Variants in HECW1 observed in about 807,000 individuals in gnomAD.
HECW1 encodes E3 ubiquitin-protein ligase HECW1.
A neutral mutation model predicts 182.3 loss-of-function variants in HECW1; 61 were observed. That is an observed-to-expected ratio of 0.33 (90% CI 0.27 to 0.41). HECW1 has a LOEUF of 0.41. Ranked by LOEUF, HECW1 falls within the 10% of genes least tolerant of loss-of-function variation. The probability of loss-of-function intolerance (pLI) is 1.00; values close to 1 mark genes in which losing one functional copy is unlikely to be tolerated. For missense variants in HECW1, 1,739 were observed against 2,108.9 expected (o/e 0.82, Z 3.44); for synonymous variants, 859 against 832.6 (o/e 1.03, Z -0.55).
chr7:43,559,743 A>G (rs917153567), intron 29 of HECW1, among the ~76,000 whole-genome samples: 8 of 152,174 alleles, frequency 5.3e-5, no homozygotes, highest in Admixed American at 3.9e-4. Context: ...GAATGAGGTA[A>G]GCAGGCACTC....
At chr7:43,531,982 G>A (rs931506869) in intron 24 of HECW1, among the ~76,000 whole-genome samples, 2 of 152,140 alleles carry the variant, frequency 1.3e-5, no homozygotes, top group East Asian at 1.9e-4. Flanking sequence ...TCTGTAGTGC[G>A]GCCCTGTGCC....
chr7:43,488,058 C>T (rs2078717781), intron 17 of HECW1, among the ~76,000 whole-genome samples: 1 of 151,786 alleles, frequency 6.6e-6, no homozygotes, highest in Non-Finnish European at 1.5e-5. Context: ...GCCTGTAATC[C>T]CAGCACTTTG....
intron 3 of HECW1, among the ~76,000 whole-genome samples, chr7:43,250,945 C>CT (rs1799962255): frequency 6.6e-6 from 1 of 152,192 alleles, no homozygotes; most frequent in Non-Finnish European, 1.5e-5. Flanking sequence ...CTCACAACTC[C>CT]TACTTAGCTC....
chr7:43,434,958 G>A (rs2076664912), intron 8 of HECW1, among the ~76,000 whole-genome samples: 2 of 152,056 alleles, frequency 1.3e-5, no homozygotes, highest in Admixed American at 1.3e-4. Context: ...GGAAATGGGG[G>A]AAAATATATT....
At chr7:43,518,301 C>G (rs539125650) in intron 24 of HECW1, among the ~76,000 whole-genome samples, 68 of 152,174 alleles carry the variant, frequency 4.5e-4, no homozygotes, top group Non-Finnish European at 8.8e-4. Context: ...TTGAGACCAT[C>G]CTGGCCAACA....
chr7:43,286,005 T>G (rs1804592002), intron 3 of HECW1, among the ~76,000 whole-genome samples: 1 of 152,170 alleles, frequency 6.6e-6, no homozygotes, highest in Non-Finnish European at 1.5e-5. Context: ...TCTATGTCAG[T>G]AAGTCATATG....
At chr7:43,171,544 G>A (rs537069278) in intron 2 of HECW1, among the ~76,000 whole-genome samples, 1 of 152,112 alleles carries the variant, frequency 6.6e-6, no homozygotes, top group Admixed American at 6.5e-5. Context: ...CTCCATGTTC[G>A]CAAACAAGTG....
chr7:43,268,797 G>A (rs1178507303), intron 3 of HECW1, among the ~76,000 whole-genome samples: 1 of 152,002 alleles, frequency 6.6e-6, no homozygotes, highest in Non-Finnish European at 1.5e-5. Context: ...TTTTTAACAA[G>A]ATCTTGCTCT....
chr7:43,205,769 C>T (rs890799738), intron 2 of HECW1, among the ~76,000 whole-genome samples: 49 of 152,312 alleles, frequency 3.2e-4, no homozygotes, highest in African/African-American at 1.0e-3. Flanking sequence ...TCCCTTCTGT[C>T]CTACCCCTAC....
chr7:43,117,197 G>T (rs1207184841), intron 2 of HECW1, among the ~76,000 whole-genome samples: 1 of 152,148 alleles, frequency 6.6e-6, no homozygotes, highest in African/African-American at 2.4e-5. Context: ...AGAATTTGGG[G>T]GTTTAATAGC....
Position 43,155,131 on chromosome 7 carries a change from C to T in HECW1, c.-32+40740C>T, listed in dbSNP as rs78222642. 1.6e-3 allele frequency among the ~76,000 whole-genome samples: 236 copies of T among 152,234 alleles called. 2 individuals carry two copies. The East Asian group carries it at 0.022, about 14-fold the overall frequency. On this transcript the variant is annotated intron_variant, in intron 2 of 29. Transcript: ENST00000395891. The stretch of plus-strand genomic sequence containing the variant: ...TCAAGTGGCTGGCTAACTTGTAGCA[C>T]GACTTTCAAAATAACAAACTTTGTG...
intron 5 of HECW1, among the ~76,000 whole-genome samples, chr7:43,356,980 C>A (rs1815227206): frequency 6.6e-6 from 1 of 151,964 alleles, no homozygotes; most frequent in Admixed American, 6.6e-5. Context: ...CCAACAGATG[C>A]ATGAAAAAAA....
At chr7:43,354,895 A>T (rs1273991611) in intron 5 of HECW1, among the ~76,000 whole-genome samples, 1 of 152,190 alleles carries the variant, frequency 6.6e-6, no homozygotes, top group Admixed American at 6.5e-5. Context: ...AAGGACAAAG[A>T]TGGCATCTTA....
At chr7:43,251,162 A>G (rs1016734079) in intron 3 of HECW1, among the ~76,000 whole-genome samples, 1 of 152,142 alleles carries the variant, frequency 6.6e-6, no homozygotes, top group Non-Finnish European at 1.5e-5. Context: ...GGGGTGGTGA[A>G]GGTGCCAAGC....
chr7:43,393,109 G>T lies in HECW1; in HGVS notation c.556-3705G>T, dbSNP rs114950790. On this transcript the variant is annotated intron_variant, in intron 6 of 29. Coordinates refer to ENST00000395891, the MANE Select transcript of HECW1 (RefSeq NM_015052.5). The stretch of plus-strand genomic sequence containing the variant: ...CAGTTTGGAATCTGTTAAACCATTT[G>T]CCAAGTATGCTCTGTTGTGGAAACA... Among the ~76,000 whole-genome samples the T allele has an allele frequency of 2.4e-3, 358 of 152,230 alleles. 1 individual carries two copies. The highest frequency in any genetic ancestry group is 7.8e-3 in the African/African-American group (325 of 41,536).
At chr7:43,198,815 C>G (rs1261409370) in intron 2 of HECW1, among the ~76,000 whole-genome samples, 2 of 152,142 alleles carry the variant, frequency 1.3e-5, no homozygotes, top group Non-Finnish European at 2.9e-5. Context: ...TCCTCGCACA[C>G]CCGCAGTCCT....
At chr7:43,170,791 C>T (rs1226214109) in intron 2 of HECW1, among the ~76,000 whole-genome samples, 1 of 152,052 alleles carries the variant, frequency 6.6e-6, no homozygotes, top group African/African-American at 2.4e-5. Flanking sequence ...CCCAGCTGAC[C>T]GTGCAAAGGT....
chr7:43,390,621 G>T (rs2074991361), intron 6 of HECW1, among the ~76,000 whole-genome samples: 1 of 151,882 alleles, frequency 6.6e-6, no homozygotes, highest in African/African-American at 2.4e-5. Context: ...AAGCAGCCAG[G>T]CTAGATCTGA....
At chr7:43,560,944 C>G (rs1345844489) in intron 29 of HECW1, among the ~76,000 whole-genome samples, 1 of 152,198 alleles carries the variant, frequency 6.6e-6, no homozygotes, top group Admixed American at 6.5e-5. Flanking sequence ...TGCACCCATC[C>G]ACCTTTCTCT....
Sources: gnomAD v4.1 joint callset for allele counts (sites outside exome capture counted in the v4.1 genomes callset) on GRCh38, gnomAD v4.1.1 for gene constraint, MANE v1.5 for transcripts, NCBI Gene and HGNC (gene_info 2026-07-23, HGNC 2026-07-21) for gene names.